HDAC4: variants seen among roughly 807,000 people sequenced by gnomAD.
HDAC4 encodes histone deacetylase 4.
A neutral mutation model predicts 135.1 loss-of-function variants in HDAC4; 16 were observed. The ratio of observed to expected loss-of-function variants is 0.12; its 90% CI spans 0.08 to 0.18. HDAC4 has a LOEUF of 0.18. HDAC4 is among the 10% of genes least tolerant of loss of function. HDAC4 has a pLI of 1.00. For missense variants in HDAC4, 1,143 were observed against 1,511.8 expected (o/e 0.76, Z 4.05); for synonymous variants, 685 against 653.4 (o/e 1.05, Z -0.74).
chr2:239,340,273 C>T (rs550239434), intron 2 of HDAC4, among the ~76,000 whole-genome samples: 24 of 152,270 alleles, frequency 1.6e-4, no homozygotes, highest in Admixed American at 5.9e-4. Flanking sequence ...CCTGAACCAT[C>T]GAGAAATTAC....
At chr2:239,363,465 G>A (rs1380882580) in intron 1 of HDAC4, among the ~76,000 whole-genome samples, 1 of 152,216 alleles carries the variant, frequency 6.6e-6, no homozygotes, top group Non-Finnish European at 1.5e-5. Flanking sequence ...TGATTATTGT[G>A]AGGATTCCAC....
At chr2:239,164,791 C>A (rs1180426021) in intron 5 of HDAC4, among the ~76,000 whole-genome samples, 1 of 152,252 alleles carries the variant, frequency 6.6e-6, no homozygotes, top group Non-Finnish European at 1.5e-5. Flanking sequence ...AGAAACCACG[C>A]TGCAGTGAAC....
In HDAC4 at chr2:239,330,922, A is replaced by G. The variant is rs7587542; in HGVS notation, c.22+21756T>C. 9.7e-3 allele frequency among the ~76,000 whole-genome samples: 1,471 copies of G among 152,338 alleles called. 31 individuals carry two copies. Among genetic ancestry groups the G allele is most frequent in the African/African-American group, 0.033 (1,379 of 41,578 alleles). On this transcript the variant is annotated intron_variant, in intron 2 of 26. Coordinates refer to ENST00000543185, the MANE Select transcript of HDAC4 (RefSeq NM_001378414.1). The stretch of plus-strand genomic sequence containing the variant: ...TCACCCTCAGCCTTCTCCATCCCAA[A>G]AAGGCCACTGAAGAGGACAGGCTGT...
At chr2:239,319,460 G>A (rs1458599799) in intron 2 of HDAC4, among the ~76,000 whole-genome samples, 14 of 152,242 alleles carry the variant, frequency 9.2e-5, no homozygotes, top group Admixed American at 7.2e-4. Flanking sequence ...GCCACCTCCC[G>A]GGACCGAGCA....
chr2:239,144,995 C>T (rs1218689883), intron 7 of HDAC4, among the ~76,000 whole-genome samples: 2 of 152,244 alleles, frequency 1.3e-5, no homozygotes, highest in African/African-American at 4.8e-5. Context: ...CAGGCCACCA[C>T]TGTTTACCAG....
chr2:239,233,458 GA>G (rs76168990), intron 3 of HDAC4, among the ~76,000 whole-genome samples: 17,777 of 128,244 alleles, frequency 0.14, 1,125 homozygotes, highest in Non-Finnish European at 0.16. Flanking sequence ...TCCAAAATCC[GA>G]AAAAAAAAAA....
At chr2:239,277,962 G>A (rs1352710899) in intron 2 of HDAC4, among the ~76,000 whole-genome samples, 2 of 75,756 alleles carry the variant, frequency 2.6e-5, no homozygotes, top group Non-Finnish European at 2.6e-5. Context: ...TCGGCTCCCC[G>A]TCTCTCCTGA....
chr2:239,401,560 C>A (rs527541016), upstream of HDAC4: 141 of 216,886 alleles, frequency 6.5e-4, 1 homozygote, highest in African/African-American at 3.2e-3. Context: ...GTCTGCGAGC[C>A]TAATTCGCGC....
intron 6 of HDAC4, chr2:239,162,399 C>T (rs780303138): frequency 2.6e-5 from 12 of 453,608 alleles, no homozygotes; most frequent in African/African-American, 2.0e-4. Context: ...CCATCTGAAC[C>T]ACGATCCACA....
intron 2 of HDAC4, among the ~76,000 whole-genome samples, chr2:239,334,907 C>A (rs1238699995): frequency 2.0e-5 from 3 of 151,772 alleles, no homozygotes; most frequent in East Asian, 3.9e-4. Context: ...CACCTGTAGT[C>A]CCAGCTGCTG....
At chr2:239,140,956 G>A (rs1288975398) in intron 8 of HDAC4, 3 of 450,214 alleles carry the variant, frequency 6.7e-6, no homozygotes, top group East Asian at 8.1e-5. Context: ...GGAGGGTGGG[G>A]GAACAGGTAA....
At chr2:239,156,352 C>T (rs2042423016) in intron 7 of HDAC4, among the ~76,000 whole-genome samples, 1 of 152,202 alleles carries the variant, frequency 6.6e-6, no homozygotes, top group Non-Finnish European at 1.5e-5. Flanking sequence ...GGGGACGCCC[C>T]TCAGTGTGGC....
intron 2 of HDAC4, among the ~76,000 whole-genome samples, chr2:239,279,376 A>G (rs1161751000): frequency 6.6e-6 from 1 of 152,240 alleles, no homozygotes; most frequent in African/African-American, 2.4e-5. Flanking sequence ...CAGCCTTATA[A>G]TAAACTCATG....
chr2:239,155,105 A>G (rs1256890140), intron 7 of HDAC4: 1 of 152,720 alleles, frequency 6.5e-6, no homozygotes, highest in African/African-American at 2.4e-5. Flanking sequence ...CACCTGGGAC[A>G]TGGCCAGCCC....
At chr2:239,348,564 G>A (rs972611984) in intron 2 of HDAC4, among the ~76,000 whole-genome samples, 18 of 152,226 alleles carry the variant, frequency 1.2e-4, no homozygotes, top group African/African-American at 1.4e-4. Flanking sequence ...AAAAGGAGGC[G>A]TAGCTTGTCC....
chr2:239,173,484 G>C lies in HDAC4; in HGVS notation c.490+2929C>G, dbSNP rs552954. Among the ~76,000 whole-genome samples, 3 of 151,972 alleles carry C rather than the reference G, an allele frequency of 2.0e-5. No homozygotes were observed. The South Asian group carries it at 6.2e-4, about 32-fold the overall frequency. ...TCATATTGAAACCCCGAGCAAACAA[G>C]GAATGGAAGGGAAACTTCCATGATC... On this transcript the variant is annotated intron_variant, in intron 5 of 26. Transcript: ENST00000543185.
intron 2 of HDAC4, among the ~76,000 whole-genome samples, chr2:239,251,560 C>T (rs1331100113): frequency 2.6e-5 from 4 of 152,104 alleles, no homozygotes; most frequent in African/African-American, 9.7e-5. Context: ...CAGAGCAAGA[C>T]CTGCCTCCAA....
At chr2:239,239,821 TC>T (rs2048076097) in intron 2 of HDAC4, among the ~76,000 whole-genome samples, 1 of 152,202 alleles carries the variant, frequency 6.6e-6, no homozygotes, top group Admixed American at 6.5e-5. Context: ...AGTGCCTGCC[TC>T]TCGCGGAACA....
At chr2:239,359,323 A>T (rs1693713757) in intron 1 of HDAC4, among the ~76,000 whole-genome samples, 1 of 152,228 alleles carries the variant, frequency 6.6e-6, no homozygotes, top group African/African-American at 2.4e-5. Flanking sequence ...GCATATACCC[A>T]TGTAACTCTA....
Sources: allele counts gnomAD v4.1 joint callset (sites outside exome capture counted in the v4.1 genomes callset), GRCh38; gene constraint gnomAD v4.1.1; transcripts MANE v1.5; gene names NCBI Gene and HGNC (gene_info 2026-07-23, HGNC 2026-07-21).